IQCE: variants seen among roughly 807,000 people sequenced by gnomAD.
IQCE encodes the protein IQ motif containing E.
In IQCE, 115 loss-of-function variants were observed where a neutral mutation model predicts 96.0. The observed-to-expected ratio is 1.20, with a 90% CI of 1.03 to 1.40. IQCE has a LOEUF of 1.40. Among genes scored for constraint, IQCE ranks in the 40% most tolerant of loss-of-function variants. IQCE has a pLI of 0.00. For missense variants in IQCE, 1,041 were observed against 909.1 expected, an observed-to-expected ratio of 1.15 and a Z score of -1.87; for synonymous variants, 412 against 371.2, an observed-to-expected ratio of 1.11 and a Z score of -1.26.
At chr7:2,574,429 G>A (rs1214840923) in intron 6 of IQCE, among the ~76,000 whole-genome samples, 1 of 152,252 alleles carries the variant, frequency 6.6e-6, no homozygotes, top group Non-Finnish European at 1.5e-5. Flanking sequence ...AGTCAGACTT[G>A]AGGCTGTGTG....
intron 1 of IQCE, among the ~76,000 whole-genome samples, chr7:2,565,519 A>G (rs1489702756): frequency 6.6e-6 from 1 of 152,206 alleles, no homozygotes; most frequent in African/African-American, 2.4e-5. Flanking sequence ...TTTTATTCAC[A>G]GCAAGGAATA....
intron 16 of IQCE, among the ~76,000 whole-genome samples, chr7:2,595,927 C>T (rs1018864511): frequency 2.0e-5 from 3 of 152,228 alleles, no homozygotes; most frequent in Non-Finnish European, 4.4e-5. Context: ...ATGCTCTGCT[C>T]ACCATGGCCG....
At chr7:2,573,627 G>T (rs1315724880) in intron 6 of IQCE, 139 bp downstream of exon 6, 4 of 547,064 alleles carry the variant, frequency 7.3e-6, no homozygotes, top group Non-Finnish European at 6.6e-6. Context: ...AGTTTGAGCC[G>T]TGGCGTAGTG....
intron 3 of IQCE, among the ~76,000 whole-genome samples, chr7:2,569,969 T>TA (rs762910653): frequency 2.3e-4 from 35 of 152,264 alleles, no homozygotes; most frequent in African/African-American, 7.9e-4. Context: ...TGAGAATTGA[T>TA]ATAAAGTAAA....
intron 21 of IQCE, 135 bp from the exon 22 acceptor site, chr7:2,609,909 G>A (rs1785033021): frequency 1.1e-5 from 7 of 631,428 alleles, no homozygotes; most frequent in Non-Finnish European, 2.0e-5. Context: ...GGGCCTGTGT[G>A]CCCCATGGCT....
chr7:2,605,720 G>A (rs1000221450), intron 19 of IQCE, among the ~76,000 whole-genome samples, 156 bp from the exon 20 acceptor site: 1 of 152,182 alleles, frequency 6.6e-6, no homozygotes, highest in Non-Finnish European at 1.5e-5. Flanking sequence ...CCAGGAGGCT[G>A]TTCACTGACC....
chr7:2,602,045 G>T, intron 18 of IQCE: 1 of 157,300 alleles, frequency 6.4e-6, no homozygotes, highest in Non-Finnish European at 1.4e-5. Context: ...CAGAGGCCCT[G>T]GGACGCAAAG....
chr7:2,595,178 C>A (rs1783927626), intron 16 of IQCE, among the ~76,000 whole-genome samples: 1 of 152,220 alleles, frequency 6.6e-6, no homozygotes, highest in Non-Finnish European at 1.5e-5. Flanking sequence ...AGCAAATTGA[C>A]TTCTCGAACT....
In IQCE at chr7:2,582,603, G is replaced by T; in HGVS notation, c.654G>T (p.Arg218Ser). The change falls in exon 9 of 22, where the codon AGG (arginine) becomes AGT (serine). Residue 218 changes from arginine to serine, a missense_variant. Coordinates refer to ENST00000402050, the MANE Select transcript of IQCE (RefSeq NM_152558.5). ...ASWVINGLKQ[R>S]ILKLEQQCKE... ...AGGTCATTAACGGGCTGAAGCAGAG[G>T]ATCCTGAAGCTGGAACAGCAGTGCA... is the stretch of plus-strand genomic sequence containing the variant. 1 of 1,614,116 alleles carries T rather than the reference G, an allele frequency of 6.2e-7. No individual in the cohort carries two copies.
At chr7:2,580,992 C>T (rs988072911) in intron 8 of IQCE, among the ~76,000 whole-genome samples, 7 of 151,944 alleles carry the variant, frequency 4.6e-5, no homozygotes, top group African/African-American at 7.3e-5. Flanking sequence ...TACAGGCGCC[C>T]GCCACCATGC....
chr7:2,590,522 T>G (rs1275894838), intron 14 of IQCE, among the ~76,000 whole-genome samples: 1 of 152,144 alleles, frequency 6.6e-6, no homozygotes, highest in African/African-American at 2.4e-5. Context: ...CCCAGCACTT[T>G]GGGAGGCCGA....
rs1045711 is a variant in IQCE at position 2,613,937 on chromosome 7, C to T, written c.*3775C>T. ...CAGGGCTAAACTCCAACCCAGGGCC[C>T]GGTGTTGGACAAAGTAGCTTTTTCT... On this transcript the variant is annotated 3_prime_UTR_variant, in exon 22 of 22. Coordinates refer to ENST00000402050, the MANE Select transcript of IQCE (RefSeq NM_152558.5). The T allele has an allele frequency of 0.11, 17,370 of 151,924 alleles. 1,036 individuals are homozygous for T. Among genetic ancestry groups the T allele is most frequent in the Admixed American group, 0.15 (2,216 of 15,260 alleles). The allele number at this position is 151,924 out of a possible 1,614,324, so 9.4% of individuals were successfully genotyped here.
intron 6 of IQCE, 139 bp from the exon 7 acceptor site, chr7:2,578,103 C>T (rs1583426919): frequency 1.3e-5 from 8 of 638,906 alleles, no homozygotes; most frequent in East Asian, 2.8e-5. Flanking sequence ...CGCGCAGTGG[C>T]GTGTGCGTGG....
In IQCE at chr7:2,583,686, G is replaced by A. The variant is rs780193223; in HGVS notation, c.751G>A (p.Ala251Thr). The A allele has an allele frequency of 1.1e-5, 17 of 1,569,752 alleles. No individual in the cohort carries two copies. In the Admixed American group the frequency reaches 2.1e-4, roughly 19 times the overall value. The change falls in exon 10 of 22, where the codon GCC (alanine) becomes ACC (threonine). Residue 251 changes from alanine to threonine, a missense_variant. By Grantham distance (58) the Ala-to-Thr change is moderately conservative (BLOSUM62 0). Transcript: ENST00000402050. ...TACCAACCTGGAAGAGATGCGGATC[G>A]CCATGGAGACATACTACGAGGAGGT... Reference protein sequence around the residue: ...KTTNLEEMRIAMETYYEEVHR... With the variant: ...KTTNLEEMRITMETYYEEVHR...
chr7:2,582,130 C>T (rs1782719520), intron 8 of IQCE: 1 of 459,836 alleles, frequency 2.2e-6, no homozygotes, highest in African/African-American at 2.0e-5. Context: ...GGGAGTGGCT[C>T]CTCAGGCCCC....
At chr7:2,579,030 G>C (rs536437085) in intron 8 of IQCE, among the ~76,000 whole-genome samples, 1 of 149,708 alleles carries the variant, frequency 6.7e-6, no homozygotes, top group South Asian at 2.1e-4. Context: ...CTGCACTCCA[G>C]CCTGGGTGAC....
chr7:2,614,596 T>A lies in IQCE; in HGVS notation c.*4434T>A, dbSNP rs769506051. The A allele has an allele frequency of 2.0e-5, 3 of 152,234 alleles. No homozygotes were observed. The highest frequency in any genetic ancestry group is 4.4e-5 in the Non-Finnish European group (3 of 68,044). 9.4% of individuals were successfully genotyped at this position (152,234 alleles called of 1,614,324 possible). A position where few individuals can be genotyped will look rare whatever the true frequency, so the allele number is the denominator to read the frequency against. ...GAGTGGACCCGCTGGTCTTTGGCAT[T>A]TTGTATTTAGAATTATTCTAACTTT... On this transcript the variant is annotated 3_prime_UTR_variant, in exon 22 of 22. Coordinates refer to ENST00000402050, the MANE Select transcript of IQCE (RefSeq NM_152558.5).
intron 1 of IQCE, 152 bp from the exon 2 acceptor site, chr7:2,566,964 G>A (rs986911176): frequency 3.0e-6 from 2 of 657,092 alleles, no homozygotes; most frequent in African/African-American, 3.6e-5. Flanking sequence ...ACTGGCTGCT[G>A]CCCAGCTGGA....
intron 18 of IQCE, among the ~76,000 whole-genome samples, chr7:2,603,080 T>C (rs1784544488): frequency 6.6e-6 from 1 of 152,168 alleles, no homozygotes; most frequent in African/African-American, 2.4e-5. Context: ...CCCTTGTCCA[T>C]ACCCATCTCA....
Sources: allele counts gnomAD v4.1 joint callset (sites outside exome capture counted in the v4.1 genomes callset), GRCh38; gene constraint gnomAD v4.1.1; transcripts MANE v1.5; gene names NCBI Gene and HGNC (gene_info 2026-07-23, HGNC 2026-07-21).